TULP4: variants seen among roughly 807,000 people sequenced by gnomAD.
The protein encoded by TULP4 is TUB like protein 4.
A neutral mutation model predicts 129.0 loss-of-function variants in TULP4; 16 were observed. The observed-to-expected ratio is 0.12, with a 90% CI of 0.08 to 0.19. TULP4 has a LOEUF of 0.19. TULP4 is among the 10% of genes least tolerant of loss of function. TULP4 has a pLI of 1.00. For missense variants in TULP4, 1,842 were observed against 2,059.1 expected (o/e 0.89, Z 2.04); for synonymous variants, 998 against 854.0 (o/e 1.17, Z -2.94).
At chr6:158,382,302 A>G (rs1296695656) in intron 1 of TULP4, among the ~76,000 whole-genome samples, 2 of 152,090 alleles carry the variant, frequency 1.3e-5, no homozygotes, top group Non-Finnish European at 2.9e-5. Context: ...TGCTGACATC[A>G]TCCTTTACCT....
At chr6:158,356,043 G>GTA (rs1780641587) in intron 1 of TULP4, among the ~76,000 whole-genome samples, 1 of 152,158 alleles carries the variant, frequency 6.6e-6, no homozygotes, top group Admixed American at 6.5e-5. Flanking sequence ...TTACATGGAT[G>GTA]TATAAATGTG....
chr6:158,377,669 G>A (rs1191194569), intron 1 of TULP4, among the ~76,000 whole-genome samples: 3 of 152,154 alleles, frequency 2.0e-5, no homozygotes, highest in Non-Finnish European at 4.4e-5. Context: ...TCTAGCGGGT[G>A]GCTGACTTCT....
At chr6:158,488,978 A>G (rs1780132415) in intron 8 of TULP4, among the ~76,000 whole-genome samples, 1 of 152,202 alleles carries the variant, frequency 6.6e-6, no homozygotes, top group African/African-American at 2.4e-5. Flanking sequence ...AGAAGAACCC[A>G]GAGCCATCCT....
chr6:158,489,099 T>A (rs897068921), intron 8 of TULP4, among the ~76,000 whole-genome samples: 5 of 152,174 alleles, frequency 3.3e-5, no homozygotes, highest in South Asian at 2.1e-4. Context: ...TCCAGGGGAC[T>A]TTCTGACTTT....
chr6:158,299,901 C>T (rs1006032888), intron 1 of TULP4, among the ~76,000 whole-genome samples: 5 of 152,030 alleles, frequency 3.3e-5, no homozygotes, highest in African/African-American at 1.2e-4. Context: ...AGATCCAGTG[C>T]TAAAGGAGGA....
At chr6:158,285,030 T>C (rs1044409117) in intron 1 of TULP4, among the ~76,000 whole-genome samples, 3 of 152,194 alleles carry the variant, frequency 2.0e-5, no homozygotes, top group African/African-American at 7.2e-5. Flanking sequence ...TCAACACTTT[T>C]CTGTTGCTGG....
intron 1 of TULP4, among the ~76,000 whole-genome samples, chr6:158,386,829 A>G (rs1168555906): frequency 6.6e-6 from 1 of 152,220 alleles, no homozygotes; most frequent in Non-Finnish European, 1.5e-5. Flanking sequence ...TCATAAGGTA[A>G]TTGTGAGAAC....
chr6:158,418,120 A>C (rs35577488), intron 2 of TULP4, among the ~76,000 whole-genome samples: 12 of 121,038 alleles, frequency 9.9e-5, no homozygotes, highest in Non-Finnish European at 1.5e-4. Context: ...TTTTTTTGGG[A>C]GCGGGGGAGA....
At chr6:158,355,892 TG>T (rs1780636881) in intron 1 of TULP4, among the ~76,000 whole-genome samples, 1 of 152,198 alleles carries the variant, frequency 6.6e-6, no homozygotes, top group African/African-American at 2.4e-5. Flanking sequence ...AAGCTGGACA[TG>T]GGTGACCACA....
rs147039391 is a variant in TULP4 at position 158,244,189 on chromosome 6, G to A, written n.68+11886G>A. ...GCTGGCACCTGAGTCCTTCTGACAC[G>A]TCTCTAGTAATCTCATAGCTTCCTT... On this transcript the variant is annotated intron_variant and non_coding_transcript_variant, in intron 1 of 1. Transcript: ENST00000620026. 1.6e-3 allele frequency among the ~76,000 whole-genome samples: 238 copies of A among 152,144 alleles called. 3 individuals carry two copies. The highest frequency in any genetic ancestry group is 5.1e-3 in the African/African-American group (211 of 41,498).
chr6:158,246,339 A>G (rs1778031500), intron 1 of TULP4, among the ~76,000 whole-genome samples: 1 of 151,900 alleles, frequency 6.6e-6, no homozygotes, highest in Admixed American at 6.6e-5. Flanking sequence ...AATACAAAAA[A>G]GGATTAGCCG....
Position 158,503,577 on chromosome 6 carries a change from CAG to C in TULP4, c.3917_3918del (p.Glu1306GlyfsTer49). 6.2e-7 allele frequency: 1 copy of C among 1,613,984 alleles called. No homozygotes were observed. The highest frequency in any genetic ancestry group is 1.7e-5 in the Admixed American group (1 of 60,014). ...GCCGACCTCCAAAGCCACTTGGGCACAGAGGTGATGGTAGAGACTGCAGACAA... is the reference window on the plus strand; with the variant it reads ...GCCGACCTCCAAAGCCACTTGGGCACAGGTGATGGTAGAGACTGCAGACAA... On this transcript the variant is annotated frameshift_variant, in exon 13 of 14. Coordinates refer to ENST00000367097, the MANE Select transcript of TULP4 (RefSeq NM_020245.5). LOFTEE classifies it high-confidence loss of function. The surrounding 1 kb of genome is among the most constrained non-coding windows in gnomAD (Gnocchi z 4.3).
chr6:158,315,925 A>T (rs960053374), intron 1 of TULP4, among the ~76,000 whole-genome samples: 3 of 152,152 alleles, frequency 2.0e-5, no homozygotes, highest in Non-Finnish European at 2.9e-5. Context: ...ATACCACCAC[A>T]TGGGGATTAG....
At chr6:158,365,895 C>CTTTTTTTTTTTTTTTTTT (rs1780938521) in intron 1 of TULP4, among the ~76,000 whole-genome samples, 1 of 78,306 alleles carries the variant, frequency 1.3e-5, no homozygotes, top group Non-Finnish European at 2.5e-5. Context: ...TTTTCTTTTT[C>CTTTTTTTTTTTTTTTTTT]TTTCTTTTTT....
chr6:158,419,817 A>G (rs761686602), intron 2 of TULP4, among the ~76,000 whole-genome samples: 19 of 152,246 alleles, frequency 1.2e-4, no homozygotes, highest in African/African-American at 1.9e-4. Flanking sequence ...TAGCATCACA[A>G]TAAGTGAAGG....
chr6:158,412,902 C>T (rs1005208475), intron 1 of TULP4, among the ~76,000 whole-genome samples, 163 bp from the exon 2 acceptor site: 2 of 152,136 alleles, frequency 1.3e-5, no homozygotes, highest in South Asian at 2.1e-4. Context: ...TGTGGACTCT[C>T]GTGTGAGCTC....
At chr6:158,473,493 G>A (rs1484640909) in intron 6 of TULP4, among the ~76,000 whole-genome samples, 3 of 152,136 alleles carry the variant, frequency 2.0e-5, no homozygotes, top group African/African-American at 4.8e-5. Flanking sequence ...GTAGTTTGAC[G>A]GTGACCGATC....
At chr6:158,431,380 C>T (rs530360532) in intron 3 of TULP4, among the ~76,000 whole-genome samples, 1 of 152,266 alleles carries the variant, frequency 6.6e-6, no homozygotes, top group Admixed American at 6.5e-5. Context: ...ATTCTTCCCT[C>T]GCCTAGAGTG....
In TULP4 at chr6:158,347,523, AC is replaced by A. The variant is rs1181861781; in HGVS notation, c.252+33258del. Among the ~76,000 whole-genome samples, 13 of 152,230 alleles carry A rather than the reference AC, an allele frequency of 8.5e-5. No individual in the cohort carries two copies. The East Asian group carries it at 2.5e-3, about 29-fold the overall frequency. Reference sequence around the variant, plus strand: ...TTTACAAGCATCCAGAGACCAATCTACCCTCTGACTTGCTTAGCCCTCTACT... The same window carrying A: ...TTTACAAGCATCCAGAGACCAATCTACCTCTGACTTGCTTAGCCCTCTACT... On this transcript the variant is annotated intron_variant, in intron 1 of 13. Coordinates refer to ENST00000367097, the MANE Select transcript of TULP4 (RefSeq NM_020245.5).
Sources: allele counts gnomAD v4.1 joint callset (sites outside exome capture counted in the v4.1 genomes callset), GRCh38; gene constraint gnomAD v4.1.1; non-coding constraint Gnocchi (gnomAD v3.1); transcripts MANE v1.5; gene names NCBI Gene and HGNC (gene_info 2026-07-23, HGNC 2026-07-21).